TRAPPC9: variants seen among roughly 807,000 people sequenced by gnomAD.
The protein encoded by TRAPPC9 is IKK2 binding protein.
TRAPPC9 carries 83 observed loss-of-function variants against 124.0 expected under a neutral mutation model. The observed-to-expected ratio is 0.67, with a 90% CI of 0.56 to 0.80. The LOEUF (loss-of-function observed/expected upper bound fraction) is 0.80, where lower values mean the gene tolerates loss of function less well. Among genes scored for constraint, TRAPPC9 ranks in the 30% least tolerant of loss-of-function variants. The probability of loss-of-function intolerance (pLI) is 0.00; values close to 1 mark genes in which losing one functional copy is unlikely to be tolerated. For synonymous variants in TRAPPC9, 638 were observed against 617.5 expected (o/e 1.03, Z -0.49); for missense variants, 1,302 against 1,508.3 (o/e 0.86, Z 2.27).
chr8:139,789,504 G>A (rs528825493), intron 21 of TRAPPC9, among the ~76,000 whole-genome samples: 2 of 152,122 alleles, frequency 1.3e-5, no homozygotes, highest in African/African-American at 4.8e-5. Context: ...CAGACCTCCT[G>A]AGCCACACTT....
intron 18 of TRAPPC9, among the ~76,000 whole-genome samples, chr8:140,004,399 G>A (rs533259249): frequency 1.3e-5 from 2 of 152,142 alleles, no homozygotes; most frequent in Admixed American, 6.5e-5. Flanking sequence ...CAAACATCAC[G>A]ATGAGTTTGA....
intron 3 of TRAPPC9, among the ~76,000 whole-genome samples, chr8:140,436,399 T>A (rs1343911760): frequency 1.3e-5 from 2 of 152,222 alleles, no homozygotes; most frequent in Admixed American, 1.3e-4. Context: ...AACAGTTTTA[T>A]GAAAAATAAT....
intron 17 of TRAPPC9, among the ~76,000 whole-genome samples, chr8:140,086,909 G>C (rs1844219581): frequency 6.6e-6 from 1 of 151,760 alleles, no homozygotes; most frequent in African/African-American, 2.4e-5. Context: ...TCTAGCCTGG[G>C]CAACAGAGTG....
chr8:140,091,937 C>T (rs533180228), intron 17 of TRAPPC9, among the ~76,000 whole-genome samples: 1 of 152,120 alleles, frequency 6.6e-6, no homozygotes, highest in East Asian at 1.9e-4. Context: ...AGACCCATCT[C>T]CCGCCGGCCC....
In TRAPPC9 at chr8:140,450,653, G is replaced by T. The variant is rs975707323; in HGVS notation, c.584+137C>A. ...TGGTTTTTTTAGCAGCACTCAAACA[G>T]ATTCTGACAGAAAGTCATTAGTTTT... On this transcript the variant is annotated intron_variant, in intron 2 of 22. Transcript: ENST00000438773. 9 of 766,732 alleles carry T rather than the reference G, an allele frequency of 1.2e-5. No homozygotes were observed. The African/African-American group carries it at 1.6e-4, about 13-fold the overall frequency. The allele number at this position is 766,732 out of a possible 1,614,324, so 47.5% of individuals were successfully genotyped here.
At chr8:139,790,136 C>T (rs987724786) in intron 21 of TRAPPC9, among the ~76,000 whole-genome samples, 3 of 152,194 alleles carry the variant, frequency 2.0e-5, no homozygotes, top group Non-Finnish European at 2.9e-5. Flanking sequence ...GACACACACA[C>T]GGGCAAGGAC....
chr8:139,974,777 C>T (rs1226728462), intron 19 of TRAPPC9, among the ~76,000 whole-genome samples: 3 of 152,002 alleles, frequency 2.0e-5, no homozygotes, highest in East Asian at 3.9e-4. Context: ...GACGTGGACG[C>T]GAGGCTCACA....
intron 21 of TRAPPC9, among the ~76,000 whole-genome samples, chr8:139,758,494 C>T (rs959210130): frequency 4.5e-4 from 68 of 152,298 alleles, no homozygotes; most frequent in African/African-American, 1.5e-3. Context: ...AGAAATGAGG[C>T]CTGGTGCCCT....
chr8:139,876,121 C>T (rs757171124), intron 21 of TRAPPC9, among the ~76,000 whole-genome samples: 1 of 152,228 alleles, frequency 6.6e-6, no homozygotes, highest in Non-Finnish European at 1.5e-5. Context: ...ACAAAGCTCC[C>T]CACATGATGT....
chr8:139,731,705 C>T (rs1817835505), intron 22 of TRAPPC9, among the ~76,000 whole-genome samples: 1 of 152,098 alleles, frequency 6.6e-6, no homozygotes, highest in Non-Finnish European at 1.5e-5. Context: ...CATGGAGCAG[C>T]CCCCTGTCCT....
At chr8:140,041,461 G>C (rs1345449817) in intron 17 of TRAPPC9, among the ~76,000 whole-genome samples, 4 of 152,226 alleles carry the variant, frequency 2.6e-5, no homozygotes, top group Non-Finnish European at 4.4e-5. Flanking sequence ...CAGAGGCTAA[G>C]AATCAAGTCA....
intron 20 of TRAPPC9, among the ~76,000 whole-genome samples, chr8:139,909,029 G>T (rs770216068): frequency 7.9e-5 from 12 of 152,180 alleles, no homozygotes; most frequent in Non-Finnish European, 1.8e-4. Context: ...CAGTGAGTCT[G>T]CCAGGCTCAA....
intron 20 of TRAPPC9, among the ~76,000 whole-genome samples, chr8:139,887,315 G>A (rs990424350): frequency 2.4e-4 from 36 of 150,970 alleles, no homozygotes; most frequent in Middle Eastern, 3.4e-3. Context: ...CCGCCTCCCA[G>A]GCTCAAGTGA....
chr8:140,440,148 T>G (rs866584786), intron 2 of TRAPPC9, among the ~76,000 whole-genome samples: 17 of 152,296 alleles, frequency 1.1e-4, no homozygotes, highest in Middle Eastern at 3.4e-3. Flanking sequence ...CAGCCTTCGT[T>G]TGTCTCCTTC....
At chr8:139,995,014 G>A (rs1386855601) in intron 18 of TRAPPC9, among the ~76,000 whole-genome samples, 3 of 151,918 alleles carry the variant, frequency 2.0e-5, no homozygotes, top group Non-Finnish European at 4.4e-5. Context: ...TCCAATTCTG[G>A]AAAAGATGGA....
At chr8:139,955,588 G>C (rs945354947) in intron 19 of TRAPPC9, among the ~76,000 whole-genome samples, 1 of 152,186 alleles carries the variant, frequency 6.6e-6, no homozygotes, top group Non-Finnish European at 1.5e-5. Context: ...AGCCAGTCCA[G>C]AAACAGGCAA....
At chr8:140,421,251 T>C (rs2070193276) in intron 5 of TRAPPC9, among the ~76,000 whole-genome samples, 1 of 152,048 alleles carries the variant, frequency 6.6e-6, no homozygotes, top group Non-Finnish European at 1.5e-5. Context: ...TGAACACACA[T>C]ATATATAAAG....
chr8:140,277,592 A>G (rs2065165386), intron 14 of TRAPPC9, among the ~76,000 whole-genome samples: 1 of 152,270 alleles, frequency 6.6e-6, no homozygotes, highest in Admixed American at 6.5e-5. Context: ...GCCTGGGCCT[A>G]ACACAGGCCC....
In TRAPPC9 at chr8:139,806,466, C is replaced by T. The variant is rs867455756; in HGVS notation, c.3056-74264G>A. On this transcript the variant is annotated intron_variant, in intron 21 of 22. Transcript: ENST00000438773. ...TCCACTCGGGGCTCAGCGGCAGTGA[C>T]ACCAAGGACCCGTGAAAACAATATG... is the stretch of plus-strand genomic sequence containing the variant. 2.4e-4 allele frequency among the ~76,000 whole-genome samples: 36 copies of T among 152,306 alleles called. No individual in the cohort carries two copies. The South Asian group carries it at 2.7e-3, about 11-fold the overall frequency.
Sources: gnomAD v4.1 joint callset for allele counts (sites outside exome capture counted in the v4.1 genomes callset) on GRCh38, gnomAD v4.1.1 for gene constraint, MANE v1.5 for transcripts, NCBI Gene and HGNC (gene_info 2026-07-23, HGNC 2026-07-21) for gene names.